The following CFAP46 variants were observed in gnomAD, a reference collection of about 807,000 sequenced individuals.
The protein encoded by CFAP46 is cilia- and flagella-associated protein 46.
A neutral mutation model predicts 325.7 loss-of-function variants in CFAP46; 245 were observed. That is an observed-to-expected ratio of 0.75 (90% CI 0.68 to 0.84). The LOEUF (loss-of-function observed/expected upper bound fraction) is 0.84. CFAP46 is among the 40% of genes least tolerant of loss of function. CFAP46 has a pLI of 0.00. For synonymous variants in CFAP46, 1,523 were observed against 1,495.9 expected, an observed-to-expected ratio of 1.02 and a Z score of -0.42; for missense variants, 3,346 against 3,543.0, an observed-to-expected ratio of 0.94 and a Z score of 1.41.
Position 132,876,840 on chromosome 10 carries a change from G to A in CFAP46, c.4334C>T (p.Thr1445Ile), listed in dbSNP as rs184424770. Residue 1445 changes from threonine to isoleucine, a missense_variant, in exon 31 of 58, where the codon ACT (threonine) becomes ATT (isoleucine). By Grantham distance (89) the Thr-to-Ile change is moderately conservative. Transcript: ENST00000368586. This position sits in a 1 kb window ranked among gnomAD's most constrained non-coding sequence, Gnocchi z 4.1. ...SVLKQDRSDSTVNPSSIQKPT... is the reference protein window; with the variant it reads ...SVLKQDRSDSIVNPSSIQKPT... The stretch of plus-strand genomic sequence containing the variant: ...CTTCTGGATACTTGAGGGGTTCACA[G>A]TAGAGTCACTTCTGTCCTGTTTCAG... 1.9e-6 allele frequency: 3 copies of A among 1,550,316 alleles called. No individual in the cohort carries two copies. The highest frequency in any genetic ancestry group is 1.4e-5 in the African/African-American group (1 of 73,158).
chr10:132,850,777 T>C (rs1389985404), intron 40 of CFAP46, among the ~76,000 whole-genome samples: 2 of 152,252 alleles, frequency 1.3e-5, no homozygotes. Flanking sequence ...ATTCAACTTT[T>C]TTTTTTACCA....
chr10:132,846,257 G>C, intron 43 of CFAP46, 30 bp from the exon 44 acceptor site: 1 of 1,605,002 alleles, frequency 6.2e-7, no homozygotes, highest in Non-Finnish European at 8.5e-7. Flanking sequence ...GTGTACCAGG[G>C]GCCCGAGGCC....
At chr10:132,867,225 C>T in intron 34 of CFAP46, 150 bp downstream of exon 34, 1 of 810,062 alleles carries the variant, frequency 1.2e-6, no homozygotes, top group Non-Finnish European at 1.9e-6. Flanking sequence ...ACAGGCCGGC[C>T]CCTCACACAC....
At chr10:132,848,702 C>T (rs369600463) in intron 41 of CFAP46, among the ~76,000 whole-genome samples, 3 of 152,202 alleles carry the variant, frequency 2.0e-5, no homozygotes, top group East Asian at 1.9e-4. Flanking sequence ...CTTATCAAAG[C>T]GTTTGGATTC....
At position 132,818,835 on chromosome 10, in the gene CFAP46, C is replaced by T. The variant is rs1162870170; in HGVS notation, c.7118-3921G>A. Among the ~76,000 whole-genome samples, 553 of 143,468 alleles carry T rather than the reference C, an allele frequency of 3.9e-3. 7 individuals are homozygous for T. The highest frequency in any genetic ancestry group is 0.014 in the African/African-American group (528 of 38,468). The allele number at this position is 143,468 out of a possible 152,430, so 94.1% of individuals were successfully genotyped here. A position where few individuals can be genotyped will look rare whatever the true frequency, so the allele number is the denominator to read the frequency against. On this transcript the variant is annotated intron_variant, in intron 50 of 57. Coordinates refer to ENST00000368586, the MANE Select transcript of CFAP46 (RefSeq NM_001200049.3). ...CGCCACTGCACTCTAGCCTGGGCAA[C>T]AGAGTGAGACTCCATCTCCAGAAAA...
intron 50 of CFAP46, among the ~76,000 whole-genome samples, chr10:132,821,048 G>A (rs1386901690): frequency 2.2e-5 from 3 of 138,382 alleles, no homozygotes; most frequent in African/African-American, 8.4e-5. Flanking sequence ...TGTGTGCTGT[G>A]TGTGCTGTGT....
chr10:132,852,812 T>G (rs1321678343), intron 39 of CFAP46, among the ~76,000 whole-genome samples: 1 of 152,242 alleles, frequency 6.6e-6, no homozygotes, highest in Non-Finnish European at 1.5e-5. Flanking sequence ...ATTTCATTTT[T>G]AAATGCTGTC....
At position 132,847,195 on chromosome 10, in the gene CFAP46, C is replaced by T; in HGVS notation, c.6079G>A (p.Asp2027Asn). 2.5e-6 allele frequency: 4 copies of T among 1,611,966 alleles called. No individual in the cohort carries two copies. The highest frequency in any genetic ancestry group is 2.5e-6 in the Non-Finnish European group (3 of 1,179,702). Reference sequence around the variant, plus strand: ...AGGAGGGGCAGCCGCACCTTCAGGTCCTCGCCTCTCCTGCAGTGCTCCTCC... The same window carrying T: ...AGGAGGGGCAGCCGCACCTTCAGGTTCTCGCCTCTCCTGCAGTGCTCCTCC... ...APEEHCRRGE[D>N]LKRRMVLAQQ... Residue 2027 changes from aspartate to asparagine, a missense_variant, in exon 42 of 58, where the codon GAC (aspartate) becomes AAC (asparagine). Physicochemically the swap from Asp to Asn is conservative, Grantham distance 23. Transcript: ENST00000368586. The surrounding 1 kb of genome is among the most constrained non-coding windows in gnomAD (Gnocchi z 5.2).
rs543318775 is a variant in CFAP46 at position 132,909,303 on chromosome 10, T to C, written c.2650-59A>G. The stretch of plus-strand genomic sequence containing the variant: ...AAGCGTGCGGGGGGAGTCTGGAATA[T>C]GCGTGAATTTAACACTGCAAGGTAT... On this transcript the variant is annotated intron_variant, in intron 20 of 57. Transcript: ENST00000368586. The C allele has an allele frequency of 4.6e-5, 56 of 1,207,736 alleles. No individual in the cohort carries two copies. In the Middle Eastern group the frequency reaches 7.6e-4, roughly 16 times the overall value. The allele number at this position is 1,207,736 out of a possible 1,614,324, so 74.8% of individuals were successfully genotyped here. A position where few individuals can be genotyped will look rare whatever the true frequency, so the allele number is the denominator to read the frequency against.
chr10:132,815,370 C>G (rs1847673508), intron 50 of CFAP46, among the ~76,000 whole-genome samples: 1 of 152,202 alleles, frequency 6.6e-6, no homozygotes, highest in African/African-American at 2.4e-5. Flanking sequence ...TTCTGTGTGC[C>G]TATGCTGGGG....
chr10:132,814,533 G>A (rs539001486), intron 53 of CFAP46, 44 bp downstream of exon 53: 110 of 1,548,064 alleles, frequency 7.1e-5, no homozygotes, highest in Middle Eastern at 2.0e-4. Context: ...CAGGAGGCCC[G>A]AGGCTGGCGT....
chr10:132,844,939 G>A (rs1026679552), intron 44 of CFAP46, among the ~76,000 whole-genome samples: 4 of 152,090 alleles, frequency 2.6e-5, no homozygotes, highest in Admixed American at 2.0e-4. Flanking sequence ...CTGCAGCCTC[G>A]AACTCCTGGG....
At chr10:132,849,952 T>C (rs754255475) in intron 41 of CFAP46, among the ~76,000 whole-genome samples, 41 of 150,428 alleles carry the variant, frequency 2.7e-4, no homozygotes, top group Non-Finnish European at 5.2e-4. Flanking sequence ...CAGGGCTTGA[T>C]TGGGGCGGGC....
At chr10:132,911,122 C>T (rs1203684356) in intron 19 of CFAP46, among the ~76,000 whole-genome samples, 1 of 152,216 alleles carries the variant, frequency 6.6e-6, no homozygotes, top group Non-Finnish European at 1.5e-5. Flanking sequence ...GCCTGAGCCG[C>T]CCACGGCGCC....
Position 132,814,187 on chromosome 10 carries a change from T to G in CFAP46, c.7353A>C (p.Arg2451=). The change falls in exon 54 of 58, where the codon CGA becomes CGC. Residue 2451 remains arginine (R), a synonymous_variant. Coordinates refer to ENST00000368586, the MANE Select transcript of CFAP46 (RefSeq NM_001200049.3). ...LERFQDTFTS[R]WAGHLGSKHF... is the part of the protein sequence containing the mutation. ...GCTTGCTTCCCAGATGTCCCGCCCA[T>G]CGCGACGTGAATGTGTCTTGGAATC... The G allele has an allele frequency of 6.2e-7, 1 of 1,613,902 alleles. No homozygotes were observed. The highest frequency in any genetic ancestry group is 8.5e-7 in the Non-Finnish European group (1 of 1,179,996).
Position 132,937,074 on chromosome 10 carries a change from GATT to G in CFAP46, c.661-22_661-20del, listed in dbSNP as rs777957783. Reference sequence around the variant, plus strand: ...GACGAACCTGTCATAAAATGGAGCAGATTATTAATCTGGATTCAAACAATTCGG... The same window carrying G: ...GACGAACCTGTCATAAAATGGAGCAGATTAATCTGGATTCAAACAATTCGG... On this transcript the variant is annotated intron_variant, in intron 6 of 57. Coordinates refer to ENST00000368586, the MANE Select transcript of CFAP46 (RefSeq NM_001200049.3). The G allele has an allele frequency of 5.0e-6, 7 of 1,411,390 alleles. No individual in the cohort carries two copies. The highest frequency in any genetic ancestry group is 2.1e-5 in the Admixed American group (1 of 47,606). 87.4% of individuals were successfully genotyped at this position (1,411,390 alleles called of 1,614,324 possible). A position where few individuals can be genotyped will look rare whatever the true frequency, so the allele number is the denominator to read the frequency against.
chr10:132,811,418 C>T (rs1307150616), intron 55 of CFAP46, among the ~76,000 whole-genome samples: 9 of 152,230 alleles, frequency 5.9e-5, no homozygotes, highest in Non-Finnish European at 2.9e-5. Flanking sequence ...GACGGAGGGA[C>T]AGGCTGCTGG....
intron 21 of CFAP46, 145 bp from the exon 22 acceptor site, chr10:132,908,779 G>A (rs879835074): frequency 1.8e-5 from 19 of 1,064,652 alleles, no homozygotes; most frequent in Non-Finnish European, 2.2e-5. Flanking sequence ...AAGCTGAGCT[G>A]CCACGTCCGT....
intron 50 of CFAP46, among the ~76,000 whole-genome samples, chr10:132,823,495 A>C (rs1354853873): frequency 2.2e-4 from 18 of 82,906 alleles, no homozygotes; most frequent in South Asian, 5.2e-4. Flanking sequence ...CTGTGTGCTG[A>C]TGTGTGCTGT....
Sources: allele counts gnomAD v4.1 joint callset (sites outside exome capture counted in the v4.1 genomes callset), GRCh38; gene constraint gnomAD v4.1.1; non-coding constraint Gnocchi (gnomAD v3.1); transcripts MANE v1.5; gene names NCBI Gene and HGNC (gene_info 2026-07-23, HGNC 2026-07-21).